The following MXD3 variants were observed in gnomAD, a reference collection of about 807,000 sequenced individuals.
The protein encoded by MXD3 is Max-associated protein 3.
In MXD3, 20 loss-of-function variants were observed where a neutral mutation model predicts 27.5. That is an observed-to-expected ratio of 0.73 (90% CI 0.51 to 1.06). MXD3 has a LOEUF of 1.06. Among genes scored for constraint, MXD3 ranks in the 50% least tolerant of loss-of-function variants. The pLI is 0.00. For synonymous variants in MXD3, 150 were observed against 130.7 expected (o/e 1.15, Z -1.01); for missense variants, 298 against 291.3 (o/e 1.02, Z -0.17).
chr5:177,311,924 A>C (rs560132791), upstream of MXD3: 90 of 1,428,550 alleles, frequency 6.3e-5, no homozygotes, highest in East Asian at 2.2e-3. Context: ...CGGTGCAACA[A>C]ACACAGGGGC....
chr5:177,308,017 C>T, intron 4 of MXD3, 53 bp from the exon 5 acceptor site: 1 of 1,445,212 alleles, frequency 6.9e-7, no homozygotes, highest in Non-Finnish European at 9.2e-7. Flanking sequence ...GGGGCTTGGG[C>T]TGCACCCCAG....
chr5:177,307,293 C>G lies in MXD3; in HGVS notation c.*295G>C. The G allele has an allele frequency of 1.3e-6, 2 of 1,550,114 alleles. No individual in the cohort carries two copies. The highest frequency in any genetic ancestry group is 8.7e-7 in the Non-Finnish European group (1 of 1,145,948). On this transcript the variant is annotated 3_prime_UTR_variant, in exon 6 of 6. Transcript: ENST00000439742. ...GCCTTGTCCAGGAAGGGAAGAGGCC[C>G]AAGAGGCTTCCTGTCCCCTTGGGGG...
rs752156093 is a variant in MXD3, at chr5:177,310,618, G to A, written c.206+50C>T. ...GAATGGCAGGGGAGGGAAGGCCAGA[G>A]GGCAGTGGCCCCTGGGGGCTGGCGC... On this transcript the variant is annotated intron_variant, in intron 3 of 5. Transcript: ENST00000439742. 1.7e-5 allele frequency: 28 copies of A among 1,613,752 alleles called. 1 individual carries two copies. Among genetic ancestry groups the A allele is most frequent in the Non-Finnish European group, 2.1e-5 (25 of 1,179,822 alleles).
chr5:177,311,411 G>C lies in MXD3; in HGVS notation c.144C>G (p.Pro48=). The change falls in exon 2 of 6, where the codon CCC becomes CCG. Residue 48 remains proline, a synonymous_variant. Coordinates refer to ENST00000439742, the MANE Select transcript of MXD3 (RefSeq NM_031300.4). ...PGPIHRRKKR[P]PQAPGAQDSG... The stretch of plus-strand genomic sequence containing the variant: ...TGTCCTGCGCGCCAGGAGCCTGGGG[G>C]GGTCGCTTCTTCCTCCTGTGGATGG... 1 of 1,442,148 alleles carries C rather than the reference G, an allele frequency of 6.9e-7. No homozygotes were observed. The highest frequency in any genetic ancestry group is 1.5e-5 in the South Asian group (1 of 66,724). The allele number at this position is 1,442,148 out of a possible 1,614,324, so 89.3% of individuals were successfully genotyped here.
downstream of MXD3, chr5:177,306,894 G>C (rs1365990923): frequency 1.3e-6 from 1 of 751,462 alleles, no homozygotes; most frequent in East Asian, 2.7e-5. Flanking sequence ...TTTGTTCTCT[G>C]ATGTGTCTCA....
chr5:177,306,563 T>G (rs141608165), downstream of MXD3: 693 of 1,608,046 alleles, frequency 4.3e-4, no homozygotes, highest in Non-Finnish European at 5.5e-4. Context: ...CAGCAACAGT[T>G]TGTGTAGCCA....
upstream of MXD3, chr5:177,312,399 C>CTTTTTTAAT: frequency 1.0e-6 from 1 of 985,582 alleles, no homozygotes; most frequent in South Asian, 4.7e-5. Flanking sequence ...TATTGGCTGG[C>CTTTTTTAAT]GCTCTGCCCC....
chr5:177,311,118 G>A, intron 2 of MXD3: 1 of 530,670 alleles, frequency 1.9e-6, no homozygotes, highest in South Asian at 2.8e-5. Flanking sequence ...GATGTGTGGG[G>A]TGCGGGAGTG....
upstream of MXD3, chr5:177,312,381 T>C: frequency 1.0e-6 from 1 of 985,676 alleles, no homozygotes; most frequent in East Asian, 1.1e-4. Flanking sequence ...GGGGAGCCTC[T>C]GATGCCCTAT....
At chr5:177,308,253 G>A (rs1260657933) in intron 4 of MXD3, among the ~76,000 whole-genome samples, 4 of 152,224 alleles carry the variant, frequency 2.6e-5, no homozygotes, top group Non-Finnish European at 4.4e-5. Flanking sequence ...GTGCTGTGGC[G>A]TCCAGGGGTG....
At chr5:177,306,846 T>TGCTAGACTGTAAGC (rs1561593652), downstream of MXD3, 1 of 725,280 alleles carries the variant, frequency 1.4e-6, no homozygotes, top group East Asian at 2.7e-5. Flanking sequence ...TGGCGGTAAG[T>TGCTAGACTGTAAGC]GCTAGACTGT....
At chr5:177,305,850 T>C (rs770899546), downstream of MXD3, 2 of 1,597,384 alleles carry the variant, frequency 1.3e-6, no homozygotes, top group Non-Finnish European at 1.7e-6. Context: ...TGTTCCACGA[T>C]TGTGGTTGGC....
rs751256573 is a variant in MXD3 at position 177,307,315 on chromosome 5, G to C, written c.*273C>G. ...GCCCAAGAGGCTTCCTGTCCCCTTG[G>C]GGGCAGCAGAGCCAAATGCTTGGGC... On this transcript the variant is annotated 3_prime_UTR_variant, in exon 6 of 6. Transcript: ENST00000439742. 4 of 1,547,832 alleles carry C rather than the reference G, an allele frequency of 2.6e-6. No homozygotes were observed. Among genetic ancestry groups the C allele is most frequent in the Admixed American group, 2.0e-5 (1 of 50,506 alleles).
chr5:177,310,564 C>T lies in MXD3; in HGVS notation c.207-24G>A, dbSNP rs766816127. 6 of 1,610,734 alleles carry T rather than the reference C, an allele frequency of 3.7e-6. No individual in the cohort carries two copies. The African/African-American group carries it at 4.0e-5, about 11-fold the overall frequency. ...TCCTGTGGGGAAGAGGTCTGGAGGG[C>T]AGTGCCAGCCCCACCTTGCCGGCCA... On this transcript the variant is annotated intron_variant, in intron 3 of 5. Transcript: ENST00000439742.
upstream of MXD3, chr5:177,312,208 T>C (rs1439632502): frequency 6.9e-6 from 7 of 1,008,220 alleles, no homozygotes; most frequent in Non-Finnish European, 8.3e-6. Context: ...TGCTAGTGAC[T>C]AGCCCCCAAC....
At chr5:177,307,197 T>C, downstream of MXD3, 1 of 1,551,540 alleles carries the variant, frequency 6.4e-7, no homozygotes, top group Non-Finnish European at 8.7e-7. Flanking sequence ...TAGGCAAGAC[T>C]ATGGACGGGA....
Position 177,307,901 on chromosome 5 carries a change from T to G in MXD3, c.385A>C (p.Ser129Arg), listed in dbSNP as rs753195468. The G allele has an allele frequency of 1.2e-6, 2 of 1,602,724 alleles. No individual in the cohort carries two copies. Among genetic ancestry groups the G allele is most frequent in the South Asian group, 2.2e-5 (2 of 89,862 alleles). The change falls in exon 5 of 6, where the codon AGC (serine) becomes CGC (arginine). Residue 129 changes from serine (S) to arginine (R), a missense_variant. By Grantham distance (110) the Ser-to-Arg change is moderately radical (BLOSUM62 -1). Transcript: ENST00000439742. ...LKERLRSKQQ[S>R]LQRQLEQLRG... ...AGCTGCTCCAGCTGCCGCTGCAGGC[T>G]CTGCTGCTTGCTGCGCAGCCTCTCC... is the stretch of plus-strand genomic sequence containing the variant.
At chr5:177,310,821 CT>C in intron 2 of MXD3, 124 bp from the exon 3 acceptor site, 2 of 1,114,404 alleles carry the variant, frequency 1.8e-6, no homozygotes, top group South Asian at 2.7e-5. Flanking sequence ...CTGTGGAGAG[CT>C]CATGCTGGCC....
At chr5:177,312,329 T>G (rs948866356), upstream of MXD3, 4 of 986,202 alleles carry the variant, frequency 4.1e-6, no homozygotes, top group African/African-American at 1.7e-5. Context: ...CATTCGCACA[T>G]GGCTTCTCAA....
Sources: allele counts gnomAD v4.1 joint callset (sites outside exome capture counted in the v4.1 genomes callset), GRCh38; gene constraint gnomAD v4.1.1; transcripts MANE v1.5; gene names NCBI Gene and HGNC (gene_info 2026-07-23, HGNC 2026-07-21).